The following CAMTA1 variants were observed in gnomAD, a reference collection of about 807,000 sequenced individuals.
CAMTA1 encodes the protein calmodulin binding transcription activator 1, also known as calmodulin-binding transcription activator 1.
CAMTA1 carries 27 observed loss-of-function variants against 170.9 expected under a neutral mutation model. The ratio of observed to expected loss-of-function variants is 0.16; its 90% CI spans 0.12 to 0.22. The LOEUF (loss-of-function observed/expected upper bound fraction) is 0.22, where lower values mean the gene tolerates loss of function less well. CAMTA1 is among the 10% of genes least tolerant of loss of function. CAMTA1 has a pLI of 1.00. For missense variants in CAMTA1, 1,619 were observed against 2,217.2 expected, an observed-to-expected ratio of 0.73 and a Z score of 5.42; for synonymous variants, 833 against 891.5, an observed-to-expected ratio of 0.93 and a Z score of 1.17.
At chr1:7,575,305 C>CT (rs200346993) in intron 6 of CAMTA1, among the ~76,000 whole-genome samples, 1,988 of 152,296 alleles carry the variant, frequency 0.013, 48 homozygotes, top group African/African-American at 0.045. Context: ...TGCCCCGACT[C>CT]TGTCTCTCTG....
At position 7,598,248 on chromosome 1, in the gene CAMTA1, C is replaced by G. The variant is rs193061038; in HGVS notation, c.511-42152C>G. Reference sequence around the variant, plus strand: ...ATGGTTTCCAGCTTCATCCGTGTTCCTACAAAGGACACGAACTCATCATTT... The same window carrying G: ...ATGGTTTCCAGCTTCATCCGTGTTCGTACAAAGGACACGAACTCATCATTT... On this transcript the variant is annotated intron_variant, in intron 6 of 22. Coordinates refer to ENST00000303635, the MANE Select transcript of CAMTA1 (RefSeq NM_015215.4). Among the ~76,000 whole-genome samples, 324 of 152,276 alleles carry G rather than the reference C, an allele frequency of 2.1e-3. 3 individuals are homozygous for G. The highest frequency in any genetic ancestry group is 7.5e-3 in the African/African-American group (311 of 41,546).
intron 2 of CAMTA1, 119 bp from the exon 3 acceptor site, chr1:6,824,973 C>T (rs1646943912): frequency 1.8e-6 from 1 of 560,290 alleles, no homozygotes; most frequent in East Asian, 3.0e-5. Context: ...ATAGTGGGGC[C>T]TCTGATGCTC....
chr1:7,031,047 C>T (rs576974436), intron 3 of CAMTA1, among the ~76,000 whole-genome samples: 14 of 143,344 alleles, frequency 9.8e-5, no homozygotes, highest in East Asian at 6.0e-4. Context: ...AGGGTTTCAC[C>T]GTTGTTAGCC....
In CAMTA1 at chr1:7,330,051, G is replaced by A. The variant is rs901333546; in HGVS notation, c.438+80425G>A. On this transcript the variant is annotated intron_variant, in intron 5 of 22. Transcript: ENST00000303635. ...TCTTTCTTCCCCAACACTTTCTCTC[G>A]GGCTTCTAGGCAGGCAGCAGACATG... Among the ~76,000 whole-genome samples, 90 of 152,002 alleles carry A rather than the reference G, an allele frequency of 5.9e-4. 1 individual carries two copies. The highest frequency in any genetic ancestry group is 1.0e-3 in the Admixed American group (16 of 15,262).
At chr1:7,764,692 G>T (rs562690321) in intron 22 of CAMTA1, among the ~76,000 whole-genome samples, 1 of 152,138 alleles carries the variant, frequency 6.6e-6, no homozygotes, top group Non-Finnish European at 1.5e-5. Flanking sequence ...GGCCTGGTAG[G>T]CTCATGCCTG....
chr1:7,673,414 C>T lies in CAMTA1; in HGVS notation c.2779+2377C>T, dbSNP rs574459164. On this transcript the variant is annotated intron_variant, in intron 10 of 22. Coordinates refer to ENST00000303635, the MANE Select transcript of CAMTA1 (RefSeq NM_015215.4). This position sits in a 1 kb window ranked among gnomAD's most constrained non-coding sequence, Gnocchi z 4.6. Reference sequence around the variant, plus strand: ...AAGCACCTGGCCCAGTGCTCCATTCCTGAAGGGTTCCCATTAAGGAGGCCT... The same window carrying T: ...AAGCACCTGGCCCAGTGCTCCATTCTTGAAGGGTTCCCATTAAGGAGGCCT... Among the ~76,000 whole-genome samples the T allele has an allele frequency of 6.6e-6, 1 of 152,338 alleles. No individual in the cohort carries two copies. Among genetic ancestry groups the T allele is most frequent in the South Asian group, 2.1e-4 (1 of 4,830 alleles).
intron 3 of CAMTA1, among the ~76,000 whole-genome samples, chr1:6,876,851 T>C (rs1179806695): frequency 1.3e-5 from 2 of 152,168 alleles, no homozygotes; most frequent in Non-Finnish European, 2.9e-5. Context: ...CTTCAATCAC[T>C]GAATAGTACA....
At chr1:6,904,849 T>C (rs1261942378) in intron 3 of CAMTA1, among the ~76,000 whole-genome samples, 4 of 149,508 alleles carry the variant, frequency 2.7e-5, no homozygotes, top group Non-Finnish European at 4.4e-5. Context: ...CGCCTCAGCC[T>C]TCCAAACTGC....
chr1:7,131,204 G>A (rs557650534), intron 4 of CAMTA1, among the ~76,000 whole-genome samples: 30 of 152,068 alleles, frequency 2.0e-4, no homozygotes, highest in East Asian at 5.8e-4. Flanking sequence ...CACCCACCTC[G>A]GCCTCCCAAA....
chr1:7,583,460 G>A (rs571846808), intron 6 of CAMTA1, among the ~76,000 whole-genome samples: 55 of 152,246 alleles, frequency 3.6e-4, no homozygotes, highest in African/African-American at 1.3e-3. Flanking sequence ...AGGAAGGTGT[G>A]ACTAACTGCT....
intron 3 of CAMTA1, among the ~76,000 whole-genome samples, chr1:6,863,330 C>T (rs1337015324): frequency 2.0e-5 from 3 of 152,190 alleles, no homozygotes; most frequent in Non-Finnish European, 4.4e-5. Flanking sequence ...CCATTCCCTC[C>T]CCAACCCCTG....
chr1:6,796,712 A>G (rs1239200028), intron 1 of CAMTA1, among the ~76,000 whole-genome samples: 1 of 152,138 alleles, frequency 6.6e-6, no homozygotes, highest in Non-Finnish European at 1.5e-5. Flanking sequence ...GCACTCGTGT[A>G]GCTGTTGACT....
In CAMTA1 at chr1:7,110,661, C is replaced by T. The variant is rs1643972863; in HGVS notation, c.302+19290C>T. Among the ~76,000 whole-genome samples the T allele has an allele frequency of 2.0e-5, 3 of 152,184 alleles. No homozygotes were observed. The South Asian group carries it at 6.2e-4, about 32-fold the overall frequency. On this transcript the variant is annotated intron_variant, in intron 4 of 22. Transcript: ENST00000303635. ...GCAGATGAATGAGTGTTCTTAGAAG[C>T]TGGGTCGGATTCCTGCCTTTTCAAG...
At chr1:6,803,716 A>T (rs1037965034) in intron 1 of CAMTA1, among the ~76,000 whole-genome samples, 1 of 152,096 alleles carries the variant, frequency 6.6e-6, no homozygotes, top group Non-Finnish European at 1.5e-5. Context: ...TCTTTTTTAA[A>T]TTATTTTATT....
chr1:6,834,387 G>A (rs778920609), intron 3 of CAMTA1: 5 of 201,552 alleles, frequency 2.5e-5, no homozygotes, highest in South Asian at 8.9e-5. Context: ...GTTTCCTCAC[G>A]GAGTCCATGC....
At position 7,144,611 on chromosome 1, in the gene CAMTA1, C is replaced by T. The variant is rs550716842; in HGVS notation, c.302+53240C>T. Among the ~76,000 whole-genome samples the T allele has an allele frequency of 2.6e-5, 4 of 152,266 alleles. No homozygotes were observed. Among genetic ancestry groups the T allele is most frequent in the East Asian group, 1.9e-4 (1 of 5,190 alleles). ...TTACTCTCATTTTCAGAACTCGTTA[C>T]GAGACTTGTTTATACAGATATTAGG... is the stretch of plus-strand genomic sequence containing the variant. On this transcript the variant is annotated intron_variant, in intron 4 of 22. Transcript: ENST00000303635. This position sits in a 1 kb window ranked among gnomAD's most constrained non-coding sequence, Gnocchi z 4.0.
chr1:6,811,645 G>A (rs1217977222), intron 1 of CAMTA1, among the ~76,000 whole-genome samples: 1 of 152,220 alleles, frequency 6.6e-6, no homozygotes, highest in Non-Finnish European at 1.5e-5. Flanking sequence ...TAGTTTTATA[G>A]TAATCAAGCT....
At chr1:7,457,852 C>T (rs765767919) in intron 5 of CAMTA1, among the ~76,000 whole-genome samples, 2 of 152,170 alleles carry the variant, frequency 1.3e-5, no homozygotes, top group South Asian at 4.1e-4. Context: ...CCCCACCTGG[C>T]GGGTCTTCTT....
intron 5 of CAMTA1, among the ~76,000 whole-genome samples, chr1:7,369,815 G>A (rs532972890): frequency 3.7e-4 from 56 of 152,280 alleles, no homozygotes; most frequent in African/African-American, 1.3e-3. Flanking sequence ...ATGGCCCAAA[G>A]CTCCAAAGAC....
Sources: gnomAD v4.1 joint callset for allele counts (sites outside exome capture counted in the v4.1 genomes callset) on GRCh38, gnomAD v4.1.1 for gene constraint, Gnocchi (gnomAD v3.1) non-coding constraint, MANE v1.5 for transcripts, NCBI Gene and HGNC (gene_info 2026-07-23, HGNC 2026-07-21) for gene names.